DCC: variants seen among roughly 807,000 people sequenced by gnomAD.
The protein encoded by DCC is netrin receptor DCC.
A neutral mutation model predicts 172.5 loss-of-function variants in DCC; 58 were observed. The ratio of observed to expected loss-of-function variants is 0.34; its 90% CI spans 0.27 to 0.42. The LOEUF is 0.42. DCC is among the 10% of genes least tolerant of loss of function. DCC has a pLI of 1.00. For synonymous variants in DCC, 709 were observed against 644.5 expected, an observed-to-expected ratio of 1.10 and a Z score of -1.52; for missense variants, 1,740 against 1,791.0, an observed-to-expected ratio of 0.97 and a Z score of 0.51.
intron 2 of DCC, among the ~76,000 whole-genome samples, chr18:52,890,381 G>T (rs879458596): frequency 1.3e-5 from 2 of 152,048 alleles, no homozygotes; most frequent in Admixed American, 1.3e-4. Context: ...GAGAAGACTA[G>T]TGGGGATAGA....
intron 1 of DCC, among the ~76,000 whole-genome samples, chr18:52,689,972 C>G (rs1444095312): frequency 6.6e-6 from 1 of 152,074 alleles, no homozygotes; most frequent in Non-Finnish European, 1.5e-5. Flanking sequence ...GAACAAAAGC[C>G]CTGAGTGGAA....
intron 8 of DCC, among the ~76,000 whole-genome samples, chr18:53,167,783 A>C (rs371982127): frequency 3.3e-5 from 5 of 152,218 alleles, no homozygotes; most frequent in African/African-American, 1.2e-4. Context: ...CACTAGATGT[A>C]TAAACAGAAA....
chr18:52,610,179 ATATATAT>A (rs1415702011), intron 1 of DCC, among the ~76,000 whole-genome samples: 1 of 8,744 alleles, frequency 1.1e-4, no homozygotes, highest in Non-Finnish European at 1.8e-4. Context: ...AAAAAAAAAA[ATATATAT>A]ATATATATAT....
intron 5 of DCC, among the ~76,000 whole-genome samples, chr18:53,039,520 G>C (rs1210056240): frequency 6.6e-6 from 1 of 151,970 alleles, no homozygotes; most frequent in African/African-American, 2.4e-5. Context: ...CTGCATATTT[G>C]TGATTATTGT....
chr18:52,503,049 A>G (rs2031092646), intron 1 of DCC, among the ~76,000 whole-genome samples: 1 of 152,204 alleles, frequency 6.6e-6, no homozygotes, highest in Non-Finnish European at 1.5e-5. Context: ...ATATATCAGG[A>G]GTCTGAAGAG....
chr18:53,252,740 G>T (rs1347652462), intron 12 of DCC, among the ~76,000 whole-genome samples: 1 of 151,946 alleles, frequency 6.6e-6, no homozygotes, highest in Non-Finnish European at 1.5e-5. Context: ...GGAGAGCGGA[G>T]CACATAAAAG....
chr18:53,285,124 A>T (rs1447036085), intron 12 of DCC, among the ~76,000 whole-genome samples: 3 of 152,136 alleles, frequency 2.0e-5, no homozygotes, highest in African/African-American at 4.8e-5. Flanking sequence ...AAAAAATCCG[A>T]TTTTCTGAGG....
intron 25 of DCC, among the ~76,000 whole-genome samples, chr18:53,468,663 A>G (rs569948237): frequency 6.6e-6 from 1 of 152,120 alleles, no homozygotes; most frequent in Non-Finnish European, 1.5e-5. Context: ...GAATATAGGC[A>G]TAAGCTACTG....
chr18:52,545,934 T>C (rs2032600318), intron 1 of DCC, among the ~76,000 whole-genome samples: 1 of 152,172 alleles, frequency 6.6e-6, no homozygotes, highest in Non-Finnish European at 1.5e-5. Flanking sequence ...TATATTGGGC[T>C]AAATGCAGTC....
At chr18:53,058,930 C>G (rs1318563088) in intron 5 of DCC, among the ~76,000 whole-genome samples, 1 of 152,076 alleles carries the variant, frequency 6.6e-6, no homozygotes, top group Non-Finnish European at 1.5e-5. Context: ...TTAGTCCATT[C>G]TCATGCTGCT....
At chr18:53,400,857 AATC>A (rs1909253696) in intron 18 of DCC, among the ~76,000 whole-genome samples, 1 of 152,168 alleles carries the variant, frequency 6.6e-6, no homozygotes, top group Non-Finnish European at 1.5e-5. Flanking sequence ...GAAGCAATCT[AATC>A]ATCCTCATTT....
intron 12 of DCC, among the ~76,000 whole-genome samples, chr18:53,284,418 T>A (rs2144734690): frequency 1.3e-5 from 2 of 152,168 alleles, no homozygotes; most frequent in Middle Eastern, 6.8e-3. Flanking sequence ...AGTGAGTACG[T>A]CTCATGAGAT....
chr18:52,657,336 G>C (rs1367738054), intron 1 of DCC, among the ~76,000 whole-genome samples: 1 of 152,160 alleles, frequency 6.6e-6, no homozygotes, highest in African/African-American at 2.4e-5. Context: ...GCTGAGCTTC[G>C]CCACATGGCT....
intron 1 of DCC, among the ~76,000 whole-genome samples, chr18:52,508,320 A>G (rs2031311717): frequency 6.6e-6 from 1 of 152,142 alleles, no homozygotes; most frequent in South Asian, 2.1e-4. Flanking sequence ...ATCTTTATAC[A>G]TTTTATCATT....
At chr18:53,455,397 T>G (rs943583846) in intron 23 of DCC, among the ~76,000 whole-genome samples, 2 of 152,178 alleles carry the variant, frequency 1.3e-5, no homozygotes, top group Non-Finnish European at 2.9e-5. Context: ...TTGCATAAAA[T>G]GGACACTCAA....
intron 7 of DCC, among the ~76,000 whole-genome samples, chr18:53,078,216 G>A (rs189567151): frequency 2.0e-3 from 302 of 152,162 alleles, no homozygotes; most frequent in Non-Finnish European, 3.3e-3. Flanking sequence ...ACTTGATCTC[G>A]GAAGTTTGAG....
rs1237954420 is a variant in DCC, at chr18:53,410,438, G to A, written c.2936-14G>A. The A allele has an allele frequency of 1.3e-6, 2 of 1,558,772 alleles. No individual in the cohort carries two copies. Among genetic ancestry groups the A allele is most frequent in the Admixed American group, 1.7e-5 (1 of 59,894 alleles). On this transcript the variant is annotated splice_polypyrimidine_tract_variant and intron_variant, in intron 19 of 28. Transcript: ENST00000442544. ...TAGGACACCAAATTAAGTCACATTT[G>A]TCTATTTATGCAGCTTACATCTTAT... is the stretch of plus-strand genomic sequence containing the variant.
intron 12 of DCC, among the ~76,000 whole-genome samples, chr18:53,301,365 A>G (rs2057139735): frequency 6.6e-6 from 1 of 152,048 alleles, no homozygotes; most frequent in South Asian, 2.1e-4. Context: ...CTGGGATTAC[A>G]GGTGTGAGCC....
intron 1 of DCC, among the ~76,000 whole-genome samples, chr18:52,355,521 C>T (rs1598857014): frequency 6.6e-6 from 1 of 152,296 alleles, no homozygotes. Context: ...AAAAACATTA[C>T]ACTCAAGGAT....
Sources: gnomAD v4.1 joint callset for allele counts (sites outside exome capture counted in the v4.1 genomes callset) on GRCh38, gnomAD v4.1.1 for gene constraint, MANE v1.5 for transcripts, NCBI Gene and HGNC (gene_info 2026-07-23, HGNC 2026-07-21) for gene names.